The following WDR19 variants were observed in gnomAD, a reference collection of about 807,000 sequenced individuals.
WDR19 encodes the protein WD repeat-containing protein 19.
A neutral mutation model predicts 180.0 loss-of-function variants in WDR19; 121 were observed. The observed-to-expected ratio is 0.67, with a 90% CI of 0.58 to 0.78. The LOEUF is 0.78. Among genes scored for constraint, WDR19 ranks in the 30% least tolerant of loss-of-function variants. WDR19 has a pLI of 0.00. For synonymous variants in WDR19, 497 were observed against 540.7 expected (o/e 0.92, Z 1.12); for missense variants, 1,450 against 1,640.7 (o/e 0.88, Z 2.01).
intron 10 of WDR19, 56 bp from the exon 11 acceptor site, chr4:39,215,785 C>T (rs1729004834): frequency 6.8e-7 from 1 of 1,471,324 alleles, no homozygotes; most frequent in South Asian, 1.4e-5. Context: ...TATTTGTTTG[C>T]TGCCTGCAAC....
chr4:39,230,661 T>C (rs2109363567), intron 17 of WDR19, among the ~76,000 whole-genome samples: 1 of 152,338 alleles, frequency 6.6e-6, no homozygotes, highest in Non-Finnish European at 1.5e-5. Flanking sequence ...TTTCCTTATC[T>C]GTCTCTTCCA....
intron 30 of WDR19, among the ~76,000 whole-genome samples, 155 bp downstream of exon 30, chr4:39,268,246 G>T (rs892813241): frequency 2.0e-5 from 3 of 152,136 alleles, no homozygotes; most frequent in Admixed American, 1.3e-4. Flanking sequence ...AGGTTTCAGA[G>T]GGGTTAAACA....
Position 39,244,233 on chromosome 4 carries a change from G to A in WDR19, c.2422-15G>A, listed in dbSNP as rs564271912. On this transcript the variant is annotated splice_polypyrimidine_tract_variant and intron_variant, in intron 21 of 36. Coordinates refer to ENST00000399820, the MANE Select transcript of WDR19 (RefSeq NM_025132.4). ...GCTAGAATCTGATTTGTTAGTGTTT[G>A]CCTTGTGATTGCAGGAACATGATGA... is the stretch of plus-strand genomic sequence containing the variant. The A allele has an allele frequency of 1.1e-4, 179 of 1,606,988 alleles. 1 individual carries two copies. In the South Asian group the frequency reaches 1.9e-3, roughly 17 times the overall value.
chr4:39,270,028 AT>A lies in WDR19; in HGVS notation c.3412del (p.Ser1138ProfsTer15). ...VLFSMYAELKSQKIKIPSEMA... is the reference protein window; with the variant it reads ...VLFSMYAELKXQKIKIPSEMA... ...TCTTCAGTATGTATGCAGAACTGAA[AT>A]CCCAGAAGATCAAAATTCCCTCCGA... On this transcript the variant is annotated frameshift_variant, in exon 31 of 37. Transcript: ENST00000399820. LOFTEE classifies it high-confidence loss of function. The A allele has an allele frequency of 6.2e-7, 1 of 1,613,932 alleles. No individual in the cohort carries two copies.
intron 27 of WDR19, 91 bp from the exon 28 acceptor site, chr4:39,257,395 A>G: frequency 8.4e-7 from 1 of 1,184,088 alleles, no homozygotes; most frequent in Non-Finnish European, 1.2e-6. Context: ...CACAGACTGT[A>G]ATTACTTTGT....
intron 32 of WDR19, chr4:39,274,528 A>AG (rs1257201000): frequency 5.3e-6 from 2 of 373,978 alleles, no homozygotes; most frequent in Non-Finnish European, 9.7e-6. Flanking sequence ...TCTAAGAGGC[A>AG]TGAAAGGAAA....
chr4:39,195,379 CAAAA>C lies in WDR19; in HGVS notation c.406+724_406+727del, dbSNP rs1560480160. ...GAGACTTCATCTCAAAAAAAAAAAA[CAAAA>C]AAACAAACAAACAAAAAAAAACATT... On this transcript the variant is annotated intron_variant, in intron 5 of 36. Transcript: ENST00000399820. 6.0e-4 allele frequency among the ~76,000 whole-genome samples: 49 copies of C among 81,600 alleles called. 1 individual carries two copies. In the South Asian group the frequency reaches 0.013, roughly 22 times the overall value. The allele number at this position is 81,600 out of a possible 152,430, so 53.5% of individuals were successfully genotyped here.
At chr4:39,205,491 C>T in intron 8 of WDR19, 72 bp from the exon 9 acceptor site, 2 of 1,482,930 alleles carry the variant, frequency 1.3e-6, no homozygotes, top group Non-Finnish European at 1.8e-6. Flanking sequence ...TTTTAAGGTA[C>T]TTGCTAATTT....
Position 39,189,661 on chromosome 4 carries a change from G to C in WDR19, c.170G>C (p.Cys57Ser). Residue 57 changes from cysteine (C) to serine (S), a missense_variant, in exon 4 of 37, where the codon TGT (cysteine) becomes TCT (serine). Cys to Ser is a moderately radical substitution (Grantham distance 112). Transcript: ENST00000399820. Reference sequence around the variant, plus strand: ...TTTGCTCTCTTTTTTAAAAGTAACTGTGTTGCCATGGATTGGGATAAAGAT... The same window carrying C: ...TTTGCTCTCTTTTTTAAAAGTAACTCTGTTGCCATGGATTGGGATAAAGAT... ...KRSEINLPGNCVAMDWDKDGD... is the reference protein window; with the variant it reads ...KRSEINLPGNSVAMDWDKDGD... 5.0e-6 allele frequency: 8 copies of C among 1,592,542 alleles called. No individual in the cohort carries two copies. Among genetic ancestry groups the C allele is most frequent in the Non-Finnish European group, 6.8e-6 (8 of 1,171,492 alleles).
chr4:39,282,549 C>T (rs1461896206), intron 36 of WDR19, among the ~76,000 whole-genome samples: 1 of 152,144 alleles, frequency 6.6e-6, no homozygotes, highest in Non-Finnish European at 1.5e-5. Context: ...AGGCGCCCGC[C>T]ACCACGTCCA....
At chr4:39,277,998 C>T (rs1736070467) in intron 34 of WDR19, 133 bp from the exon 35 acceptor site, 3 of 713,848 alleles carry the variant, frequency 4.2e-6, no homozygotes, top group Non-Finnish European at 7.1e-6. Context: ...AGGTTGCAGA[C>T]AGCCAACAAT....
At chr4:39,263,115 C>A (rs1195758997) in intron 28 of WDR19, among the ~76,000 whole-genome samples, 1 of 150,152 alleles carries the variant, frequency 6.7e-6, no homozygotes, top group Non-Finnish European at 1.5e-5. Context: ...GAAATGCCTC[C>A]TTGGTTTATG....
chr4:39,240,176 CTAAAAAAAAAA>C (rs1418412715), intron 20 of WDR19, 90 bp from the exon 21 acceptor site: 1 of 333,290 alleles, frequency 3.0e-6, no homozygotes, highest in Non-Finnish European at 4.0e-6. Flanking sequence ...GACCCTGTCT[CTAAAAAAAAAA>C]AAAAAAAAAA....
chr4:39,208,513 G>T (rs963765769), intron 9 of WDR19, among the ~76,000 whole-genome samples: 9 of 151,772 alleles, frequency 5.9e-5, no homozygotes, highest in African/African-American at 1.7e-4. Context: ...TACCATGTTG[G>T]CAGGCTGGTT....
intron 13 of WDR19, 48 bp downstream of exon 13, chr4:39,217,288 A>G: frequency 7.2e-7 from 1 of 1,385,600 alleles, no homozygotes; most frequent in Non-Finnish European, 1.0e-6. Flanking sequence ...TATAATGAAC[A>G]GCCTAATGTC....
At position 39,185,721 on chromosome 4, in the gene WDR19, T is replaced by G. The variant is rs1725441027; in HGVS notation, c.7-5T>G. 1 of 1,552,526 alleles carries G rather than the reference T, an allele frequency of 6.4e-7. No homozygotes were observed. Among genetic ancestry groups the G allele is most frequent in the Non-Finnish European group, 8.7e-7 (1 of 1,147,244 alleles). On this transcript the variant is annotated splice_polypyrimidine_tract_variant and splice_region_variant and intron_variant, in intron 1 of 36. Coordinates refer to ENST00000399820, the MANE Select transcript of WDR19 (RefSeq NM_025132.4). ...AAAATATTAAAAATTGTGTTTATTTTTTAGCGTATTTTCTCACTGCTAGAA... is the reference window on the plus strand; with the variant it reads ...AAAATATTAAAAATTGTGTTTATTTGTTAGCGTATTTTCTCACTGCTAGAA...
In WDR19 at chr4:39,231,693, A is replaced by G. The variant is rs113212186; in HGVS notation, c.1983-104A>G. On this transcript the variant is annotated intron_variant, in intron 17 of 36. Coordinates refer to ENST00000399820, the MANE Select transcript of WDR19 (RefSeq NM_025132.4). ...ACAATTACAGGTTAAGAAATGTTTT[A>G]GACAGTTTATCTGGGGCACGCTATT... 2,217 of 1,006,040 alleles carry G rather than the reference A, an allele frequency of 2.2e-3. 38 individuals are homozygous for G. The African/African-American group carries it at 0.032, about 15-fold the overall frequency. The allele number at this position is 1,006,040 out of a possible 1,614,324, so 62.3% of individuals were successfully genotyped here.
In WDR19 at chr4:39,224,882, A is replaced by G. The variant is rs774658703; in HGVS notation, c.1480-2A>G. 1 of 1,378,214 alleles carries G rather than the reference A, an allele frequency of 7.3e-7. No individual in the cohort carries two copies. The highest frequency in any genetic ancestry group is 9.4e-7 in the Non-Finnish European group (1 of 1,061,690). The allele number at this position is 1,378,214 out of a possible 1,614,324, so 85.4% of individuals were successfully genotyped here. ...CATGGCTGGATTTTTTTTTTTTTTT[A>G]GACTGGTGTCGTTCAGTATTTCTAC... is the stretch of plus-strand genomic sequence containing the variant. On this transcript the variant is annotated splice_acceptor_variant, in intron 14 of 36. Coordinates refer to ENST00000399820, the MANE Select transcript of WDR19 (RefSeq NM_025132.4). LOFTEE classifies it high-confidence loss of function.
intron 30 of WDR19, among the ~76,000 whole-genome samples, chr4:39,268,699 T>C (rs1735045849): frequency 6.6e-6 from 1 of 152,202 alleles, no homozygotes; most frequent in Admixed American, 6.5e-5. Context: ...TTATTCAGCT[T>C]ACGTTGATCT....
Sources: gnomAD v4.1 joint callset for allele counts (sites outside exome capture counted in the v4.1 genomes callset) on GRCh38, gnomAD v4.1.1 for gene constraint, MANE v1.5 for transcripts, NCBI Gene and HGNC (gene_info 2026-07-23, HGNC 2026-07-21) for gene names.